Variants in ARFGEF2 observed in about 807,000 individuals in gnomAD.
ARFGEF2 encodes the protein brefeldin A-inhibited guanine nucleotide-exchange protein 2.
ARFGEF2 carries 74 observed loss-of-function variants against 219.9 expected under a neutral mutation model. That is an observed-to-expected ratio of 0.34 (90% CI 0.28 to 0.41). The LOEUF is 0.41. Among genes scored for constraint, ARFGEF2 ranks in the 10% least tolerant of loss-of-function variants. The pLI is 1.00. For missense variants in ARFGEF2, 1,743 were observed against 2,218.3 expected, an observed-to-expected ratio of 0.79 and a Z score of 4.30; for synonymous variants, 733 against 799.2, an observed-to-expected ratio of 0.92 and a Z score of 1.40.
intron 25 of ARFGEF2, among the ~76,000 whole-genome samples, chr20:49,002,857 G>A (rs2091433515): frequency 6.6e-6 from 1 of 151,850 alleles, no homozygotes; most frequent in Non-Finnish European, 1.5e-5. Context: ...CATTGGCCAG[G>A]CTGGTCTTGA....
intron 37 of ARFGEF2, among the ~76,000 whole-genome samples, chr20:49,031,035 G>T (rs1450293516): frequency 1.3e-5 from 2 of 151,998 alleles, no homozygotes; most frequent in Non-Finnish European, 2.9e-5. Flanking sequence ...TTTTTGGCAT[G>T]TTTTTTAAAA....
intron 23 of ARFGEF2, among the ~76,000 whole-genome samples, chr20:48,996,584 A>G (rs1347742233): frequency 6.6e-6 from 1 of 151,808 alleles, no homozygotes; most frequent in East Asian, 1.9e-4. Flanking sequence ...TAAAATACAA[A>G]AAAAAAGAAA....
intron 36 of ARFGEF2, among the ~76,000 whole-genome samples, chr20:49,027,467 C>T (rs1280137602): frequency 2.6e-5 from 4 of 152,108 alleles, no homozygotes; most frequent in South Asian, 2.1e-4. Flanking sequence ...GAGGCTGAGG[C>T]GGGTGGATCA....
rs2091658104 is a variant in ARFGEF2, at chr20:49,034,971, A to G, written c.*1772A>G. 1 of 152,206 alleles carries G rather than the reference A, an allele frequency of 6.6e-6. No individual in the cohort carries two copies. Among genetic ancestry groups the G allele is most frequent in the African/African-American group, 2.4e-5 (1 of 41,452 alleles). 9.4% of individuals were successfully genotyped at this position (152,206 alleles called of 1,614,324 possible). The stretch of plus-strand genomic sequence containing the variant: ...TAGCAGGAAGGGACTATGGGAGAAT[A>G]CTTTACTGTGAGTGGAAAATGTTAG... On this transcript the variant is annotated 3_prime_UTR_variant, in exon 39 of 39. Coordinates refer to ENST00000371917, the MANE Select transcript of ARFGEF2 (RefSeq NM_006420.3).
chr20:48,941,994 T>C lies in ARFGEF2; in HGVS notation c.276+7T>C, dbSNP rs1178857541. ...ATCCCTTGACTGCTTGCAGGTACCA[T>C]GTTTAAACTTCGTGTTGTCAAGGGG... On this transcript the variant is annotated splice_region_variant and intron_variant, in intron 3 of 38. Coordinates refer to ENST00000371917, the MANE Select transcript of ARFGEF2 (RefSeq NM_006420.3). 1 of 1,613,974 alleles carries C rather than the reference T, an allele frequency of 6.2e-7. No individual in the cohort carries two copies. Among genetic ancestry groups the C allele is most frequent in the Non-Finnish European group, 8.5e-7 (1 of 1,180,006 alleles).
At position 48,992,674 on chromosome 20, in the gene ARFGEF2, C is replaced by T. The variant is rs150227433; in HGVS notation, c.2973+1476C>T. ...CAATAGTGTTACCTGCTGTCATCTC[C>T]GTGGCGTATGGCTTTGCTCCTCTTC... On this transcript the variant is annotated intron_variant, in intron 21 of 38. Coordinates refer to ENST00000371917, the MANE Select transcript of ARFGEF2 (RefSeq NM_006420.3). Among the ~76,000 whole-genome samples, 87 of 152,278 alleles carry T rather than the reference C, an allele frequency of 5.7e-4. 2 individuals carry two copies. In the East Asian group the frequency reaches 0.016, roughly 27 times the overall value.
intron 20 of ARFGEF2, among the ~76,000 whole-genome samples, chr20:48,990,092 C>T (rs1420406496): frequency 1.5e-4 from 23 of 152,150 alleles, no homozygotes; most frequent in Admixed American, 7.2e-4. Flanking sequence ...GGCAGGAGAC[C>T]GGCTTGAACC....
At chr20:48,928,123 A>G (rs1404962933) in intron 1 of ARFGEF2, among the ~76,000 whole-genome samples, 1 of 152,112 alleles carries the variant, frequency 6.6e-6, no homozygotes, top group Non-Finnish European at 1.5e-5. Flanking sequence ...CTAGTGCAGT[A>G]AGTAACTGGC....
rs933568055 is a variant in ARFGEF2 at position 49,033,291 on chromosome 20, G to T, written c.*92G>T. 9.5e-6 allele frequency: 14 copies of T among 1,467,458 alleles called. No homozygotes were observed. The Admixed American group carries it at 2.5e-4, about 26-fold the overall frequency. 90.9% of individuals were successfully genotyped at this position (1,467,458 alleles called of 1,614,324 possible). A position where few individuals can be genotyped will look rare whatever the true frequency, so the allele number is the denominator to read the frequency against. On this transcript the variant is annotated 3_prime_UTR_variant, in exon 39 of 39. Coordinates refer to ENST00000371917, the MANE Select transcript of ARFGEF2 (RefSeq NM_006420.3). Reference sequence around the variant, plus strand: ...TCTCGTGAAGTTTCATAGAAACAAGGAGTTGGCATCTTGGATCTCAGAATG... The same window carrying T: ...TCTCGTGAAGTTTCATAGAAACAAGTAGTTGGCATCTTGGATCTCAGAATG...
At chr20:48,994,374 T>A in intron 21 of ARFGEF2, 77 bp from the exon 22 acceptor site, 1 of 1,587,698 alleles carries the variant, frequency 6.3e-7, no homozygotes, top group Non-Finnish European at 8.6e-7. Flanking sequence ...TTTTTTTTAA[T>A]GACTAACTTA....
At chr20:48,929,627 G>A (rs2090900987) in intron 1 of ARFGEF2, among the ~76,000 whole-genome samples, 1 of 152,238 alleles carries the variant, frequency 6.6e-6, no homozygotes, top group Non-Finnish European at 1.5e-5. Context: ...GGTGAGGGAA[G>A]ACTTCCCTGA....
intron 6 of ARFGEF2, among the ~76,000 whole-genome samples, chr20:48,958,055 C>T (rs2091115916): frequency 6.6e-6 from 1 of 152,202 alleles, no homozygotes; most frequent in Non-Finnish European, 1.5e-5. Flanking sequence ...ACTGGAACTA[C>T]TTGCAGTGTG....
At position 48,963,175 on chromosome 20, in the gene ARFGEF2, C is replaced by CAAAAAAAAAAAAAAAAAAA. The variant is rs71337478; in HGVS notation, c.839-641_839-640insAAAAAAAAAAAAAAAAAAA. On this transcript the variant is annotated intron_variant, in intron 6 of 38. Transcript: ENST00000371917. The stretch of plus-strand genomic sequence containing the variant: ...TGGGCAAGACAGCAAAACTCTGTCT[C>CAAAAAAAAAAAAAAAAAAA]AAAAAAAAAAAAAAGTAATGTTTAC... 1.0e-3 allele frequency among the ~76,000 whole-genome samples: 115 copies of CAAAAAAAAAAAAAAAAAAA among 110,768 alleles called. 8 individuals carry two copies. Among genetic ancestry groups the CAAAAAAAAAAAAAAAAAAA allele is most frequent in the African/African-American group, 4.0e-3 (96 of 24,014 alleles). 72.7% of individuals were successfully genotyped at this position (110,768 alleles called of 152,430 possible).
Position 48,972,444 on chromosome 20 carries a change from A to G in ARFGEF2, c.1525+19A>G, listed in dbSNP as rs2091234349. ...TGTGCAGGTATTTCCACCTGGGGAC[A>G]CTCATCCACTGGACTTCTGATGCTT... On this transcript the variant is annotated intron_variant, in intron 11 of 38. Coordinates refer to ENST00000371917, the MANE Select transcript of ARFGEF2 (RefSeq NM_006420.3). The G allele has an allele frequency of 6.4e-7, 1 of 1,561,450 alleles. No homozygotes were observed. Among genetic ancestry groups the G allele is most frequent in the African/African-American group, 1.4e-5 (1 of 73,794 alleles).
intron 11 of ARFGEF2, 65 bp downstream of exon 11, chr20:48,972,490 T>A: frequency 8.2e-7 from 1 of 1,214,656 alleles, no homozygotes; most frequent in Non-Finnish European, 1.2e-6. Context: ...CAGCTCAGAT[T>A]AAGACTTCTA....
At chr20:48,930,452 A>G (rs571026020) in intron 1 of ARFGEF2, among the ~76,000 whole-genome samples, 10 of 152,360 alleles carry the variant, frequency 6.6e-5, no homozygotes, top group African/African-American at 2.4e-4. Flanking sequence ...AAAGAAAATG[A>G]ATTTCCAACC....
chr20:48,978,409 C>T lies in ARFGEF2; in HGVS notation c.1958+2210C>T, dbSNP rs889721569. Among the ~76,000 whole-genome samples the T allele has an allele frequency of 4.9e-4, 75 of 152,112 alleles. 1 individual carries two copies. The highest frequency in any genetic ancestry group is 8.8e-4 in the Non-Finnish European group (60 of 68,034). ...AGTTTGAAGTCAGGTAGTGTGATGCCTCTAGATTTGTTCTTTTTGCTTAGG... is the reference window on the plus strand; with the variant it reads ...AGTTTGAAGTCAGGTAGTGTGATGCTTCTAGATTTGTTCTTTTTGCTTAGG... On this transcript the variant is annotated intron_variant, in intron 14 of 38. Transcript: ENST00000371917.
chr20:49,017,684 A>G lies in ARFGEF2; in HGVS notation c.4509+134A>G, dbSNP rs902039183. 37 of 835,640 alleles carry G rather than the reference A, an allele frequency of 4.4e-5. 1 individual carries two copies. The highest frequency in any genetic ancestry group is 6.2e-5 in the Non-Finnish European group (34 of 549,588). The allele number at this position is 835,640 out of a possible 1,614,324, so 51.8% of individuals were successfully genotyped here. On this transcript the variant is annotated intron_variant, in intron 33 of 38. Coordinates refer to ENST00000371917, the MANE Select transcript of ARFGEF2 (RefSeq NM_006420.3). ...TAAGATCTAAAAATAGTATATATTC[A>G]TAATATATTTTTTAGAAAGTCCAGA...
intron 25 of ARFGEF2, among the ~76,000 whole-genome samples, chr20:49,003,834 G>A (rs2091439312): frequency 6.6e-6 from 1 of 152,070 alleles, no homozygotes; most frequent in African/African-American, 2.4e-5. Context: ...GCAAACCATA[G>A]ACAAGTACAA....
Sources: allele counts gnomAD v4.1 joint callset (sites outside exome capture counted in the v4.1 genomes callset), GRCh38; gene constraint gnomAD v4.1.1; transcripts MANE v1.5; gene names NCBI Gene and HGNC (gene_info 2026-07-23, HGNC 2026-07-21).